The following USP44 variants were observed in gnomAD, a reference collection of about 807,000 sequenced individuals.
USP44 encodes the protein ubiquitin carboxyl-terminal hydrolase 44.
In USP44, 61 loss-of-function variants were observed where a neutral mutation model predicts 69.0. The ratio of observed to expected loss-of-function variants is 0.88; its 90% CI spans 0.72 to 1.09. The LOEUF (loss-of-function observed/expected upper bound fraction) is 1.09. Ranked by LOEUF, USP44 falls within the 50% of genes least tolerant of loss-of-function variation. USP44 has a pLI of 0.00. For missense variants in USP44, 753 were observed against 849.9 expected (o/e 0.89, Z 1.42); for synonymous variants, 297 against 295.4 (o/e 1.01, Z -0.06).
At chr12:95,519,607 AT>A (rs539831220) in intron 5 of USP44, among the ~76,000 whole-genome samples, 3,793 of 144,982 alleles carry the variant, frequency 0.026, 166 homozygotes, top group African/African-American at 0.089. Flanking sequence ...CGCCCGGCTA[AT>A]TTTTTTTTTT....
At chr12:95,544,722 A>C (rs1032389146) in intron 1 of USP44, among the ~76,000 whole-genome samples, 6 of 152,204 alleles carry the variant, frequency 3.9e-5, no homozygotes, top group Admixed American at 1.3e-4. Flanking sequence ...ACATCTGTAT[A>C]GTGTGGAAAA....
At chr12:95,536,273 C>T (rs1040452695) in intron 1 of USP44, among the ~76,000 whole-genome samples, 1 of 151,924 alleles carries the variant, frequency 6.6e-6, no homozygotes, top group South Asian at 2.1e-4. Flanking sequence ...GAACTCCTGG[C>T]CTCAAGTGAT....
intron 1 of USP44, among the ~76,000 whole-genome samples, chr12:95,544,293 G>C (rs572413652): frequency 5.9e-5 from 9 of 151,916 alleles, no homozygotes; most frequent in Non-Finnish European, 1.0e-4. Context: ...CTGACCTTGT[G>C]ATCCACCCGC....
rs1315181936 is a variant in USP44 at position 95,528,856 on chromosome 12, T to C, written c.1575A>G (p.Thr525=). 8.1e-6 allele frequency: 13 copies of C among 1,614,100 alleles called. No individual in the cohort carries two copies. Among genetic ancestry groups the C allele is most frequent in the Non-Finnish European group, 1.1e-5 (13 of 1,179,990 alleles). ...TTTTTCCTTCTAAAGCTTCAGTTTC[T>C]GTAAATTTGGCCAACATTTCAGTAA... ...CLVTEMLAKF[T]ETEALEGKIY... Residue 525 remains threonine, a synonymous_variant, in exon 3 of 6, where the codon ACA becomes ACG. Coordinates refer to ENST00000258499, the MANE Select transcript of USP44 (RefSeq NM_032147.5).
chr12:95,549,246 TAAAG>T (rs2077677727), intron 1 of USP44, among the ~76,000 whole-genome samples: 1 of 152,224 alleles, frequency 6.6e-6, no homozygotes, highest in Non-Finnish European at 1.5e-5. Context: ...TAGAAATTCT[TAAAG>T]AAAACGTTTC....
At chr12:95,541,533 T>C (rs910356911) in intron 1 of USP44, among the ~76,000 whole-genome samples, 3 of 152,040 alleles carry the variant, frequency 2.0e-5, no homozygotes, top group Non-Finnish European at 4.4e-5. Flanking sequence ...CGAGCCATGA[T>C]GGTGCCACTG....
At chr12:95,547,693 C>T (rs1264461339) in intron 1 of USP44, among the ~76,000 whole-genome samples, 1 of 152,162 alleles carries the variant, frequency 6.6e-6, no homozygotes. Context: ...AGCTACTTAA[C>T]AGATAAGGAA....
At chr12:95,529,321 T>C (rs1239874405) in intron 2 of USP44, among the ~76,000 whole-genome samples, 1 of 152,150 alleles carries the variant, frequency 6.6e-6, no homozygotes, top group Admixed American at 6.6e-5. Context: ...TATACATATA[T>C]ACATATATCT....
chr12:95,538,041 T>G (rs1012795645), intron 1 of USP44, among the ~76,000 whole-genome samples: 1 of 152,210 alleles, frequency 6.6e-6, no homozygotes, highest in Non-Finnish European at 1.5e-5. Context: ...AAGTGGCATC[T>G]ATAATTAAAC....
chr12:95,546,493 T>C (rs1035235492), intron 1 of USP44: 6 of 152,242 alleles, frequency 3.9e-5, no homozygotes, highest in Admixed American at 1.3e-4. Flanking sequence ...ATTTGTCACC[T>C]ATTTAGGCTG....
At position 95,545,632 on chromosome 12, in the gene USP44, T is replaced by C. The variant is rs544576227; in HGVS notation, c.-71+5640A>G. 2.0e-5 allele frequency among the ~76,000 whole-genome samples: 3 copies of C among 152,310 alleles called. No homozygotes were observed. In the East Asian group the frequency reaches 5.8e-4, roughly 29 times the overall value. Reference sequence around the variant, plus strand: ...TTCCATTTACTTCACGGAACCACCATAGTATTCTGTCCTCTTAAGAAATGT... The same window carrying C: ...TTCCATTTACTTCACGGAACCACCACAGTATTCTGTCCTCTTAAGAAATGT... On this transcript the variant is annotated intron_variant, in intron 1 of 5. Coordinates refer to ENST00000258499, the MANE Select transcript of USP44 (RefSeq NM_032147.5).
intron 1 of USP44, among the ~76,000 whole-genome samples, chr12:95,542,413 T>C (rs543701265): frequency 6.6e-6 from 1 of 152,286 alleles, no homozygotes; most frequent in Non-Finnish European, 1.5e-5. Context: ...GCTACCAAAT[T>C]CTTGGAGCAA....
rs766270092 is a variant in USP44 at position 95,533,480 on chromosome 12, G to A, written c.777C>T (p.Asp259=). ...CTATTGGCCTTCGTTTAACTGAGGA[G>A]TCACTGACTTTTTGAGATATTTCAT... ...SENEISQKVS[D]SSVKRRPIVT... The change falls in exon 2 of 6, where the codon GAC becomes GAT. Residue 259 remains aspartate, a synonymous_variant. Coordinates refer to ENST00000258499, the MANE Select transcript of USP44 (RefSeq NM_032147.5). 1 of 1,614,196 alleles carries A rather than the reference G, an allele frequency of 6.2e-7. No individual in the cohort carries two copies. Among genetic ancestry groups the A allele is most frequent in the Non-Finnish European group, 8.5e-7 (1 of 1,180,030 alleles).
At chr12:95,530,646 T>TATAGATAG (rs56051106) in intron 2 of USP44, among the ~76,000 whole-genome samples, 10,088 of 147,380 alleles carry the variant, frequency 0.068, 396 homozygotes, top group East Asian at 0.13. Flanking sequence ...CTACTGGAAA[T>TATAGATAG]ATAGATAGAT....
chr12:95,543,470 T>C (rs1174519706), intron 1 of USP44, among the ~76,000 whole-genome samples: 5 of 127,964 alleles, frequency 3.9e-5, no homozygotes, highest in African/African-American at 1.5e-4. Context: ...CTGGGCAACA[T>C]AGCAAGACCC....
chr12:95,517,078 TTAGA>T lies in USP44; in HGVS notation c.*1072_*1075del, dbSNP rs553787804. On this transcript the variant is annotated 3_prime_UTR_variant, in exon 6 of 6. Transcript: ENST00000258499. Reference sequence around the variant, plus strand: ...ACACTGTATTTTTTTTTGTGCAAGTTTAGATAGATAGCTTTTAGTTTTTTTTTTT... The same window carrying T: ...ACACTGTATTTTTTTTTGTGCAAGTTTAGATAGCTTTTAGTTTTTTTTTTT... 10 of 151,198 alleles carry T rather than the reference TTAGA, an allele frequency of 6.6e-5. No individual in the cohort carries two copies. Among genetic ancestry groups the T allele is most frequent in the Non-Finnish European group, 1.0e-4 (7 of 67,906 alleles). 9.4% of individuals were successfully genotyped at this position (151,198 alleles called of 1,614,324 possible).
chr12:95,528,854 T>C lies in USP44; in HGVS notation c.1577A>G (p.Glu526Gly). 1 of 1,614,076 alleles carries C rather than the reference T, an allele frequency of 6.2e-7. No homozygotes were observed. The highest frequency in any genetic ancestry group is 1.1e-5 in the South Asian group (1 of 91,078). ...GATTTTTCCTTCTAAAGCTTCAGTT[T>C]CTGTAAATTTGGCCAACATTTCAGT... ...LVTEMLAKFT[E>G]TEALEGKIYV... The change falls in exon 3 of 6, where the codon GAA becomes GGA. Residue 526 changes from glutamate to glycine, a missense_variant. By Grantham distance (98) the Glu-to-Gly change is moderately conservative. Transcript: ENST00000258499.
At chr12:95,536,011 C>T (rs1490169457) in intron 1 of USP44, among the ~76,000 whole-genome samples, 2 of 148,158 alleles carry the variant, frequency 1.3e-5, no homozygotes, top group East Asian at 2.0e-4. Context: ...CTCACATGTT[C>T]ACATGTTTCT....
intron 5 of USP44, among the ~76,000 whole-genome samples, chr12:95,520,512 G>C (rs1382780107): frequency 6.6e-6 from 1 of 152,008 alleles, no homozygotes; most frequent in Non-Finnish European, 1.5e-5. Flanking sequence ...AAGGTGTTGG[G>C]GGGAGTAAAA....
Sources: gnomAD v4.1 joint callset for allele counts (sites outside exome capture counted in the v4.1 genomes callset) on GRCh38, gnomAD v4.1.1 for gene constraint, MANE v1.5 for transcripts, NCBI Gene and HGNC (gene_info 2026-07-23, HGNC 2026-07-21) for gene names.